RARB: variants seen among roughly 807,000 people sequenced by gnomAD.
RARB encodes the protein retinoic acid receptor beta, also known as HBV-activated protein.
RARB carries 17 observed loss-of-function variants against 51.9 expected under a neutral mutation model. That is an observed-to-expected ratio of 0.33 (90% CI 0.22 to 0.49). RARB has a LOEUF of 0.49. Among genes scored for constraint, RARB ranks in the 20% least tolerant of loss-of-function variants. The pLI is 0.99. For synonymous variants in RARB, 215 were observed against 195.4 expected (o/e 1.10, Z -0.84); for missense variants, 369 against 550.8 (o/e 0.67, Z 3.30).
intron 2 of RARB, among the ~76,000 whole-genome samples, chr3:25,036,822 G>C (rs1248699731): frequency 1.3e-5 from 2 of 152,156 alleles, no homozygotes; most frequent in African/African-American, 2.4e-5. Context: ...GGGGAGGGGG[G>C]ATCTGGCCAG....
At chr3:25,307,377 A>G (rs1269286996) in intron 5 of RARB, among the ~76,000 whole-genome samples, 5 of 148,704 alleles carry the variant, frequency 3.4e-5, no homozygotes, top group Non-Finnish European at 7.4e-5. Flanking sequence ...ACAGAACGAA[A>G]CTCTGTCTCA....
At chr3:25,010,286 G>A (rs1205472244) in intron 2 of RARB, among the ~76,000 whole-genome samples, 1 of 151,868 alleles carries the variant, frequency 6.6e-6, no homozygotes, top group African/African-American at 2.4e-5. Context: ...TCCGTTCTCT[G>A]TAATGTTTAA....
intron 5 of RARB, among the ~76,000 whole-genome samples, chr3:25,222,600 G>A (rs2125385431): frequency 6.6e-6 from 1 of 152,212 alleles, no homozygotes; most frequent in East Asian, 1.9e-4. Flanking sequence ...TGGTATAATT[G>A]AGTATTATAT....
chr3:25,315,381 C>T lies in RARB; in HGVS notation c.178+140806C>T, dbSNP rs200267380. 1.1e-4 allele frequency among the ~76,000 whole-genome samples: 17 copies of T among 152,166 alleles called. No homozygotes were observed. In the East Asian group the frequency reaches 3.1e-3, roughly 28 times the overall value. Reference sequence around the variant, plus strand: ...TTTAAATTAAAATACTATACTTTTTCGAATTGTAGACATACGACCATGTAC... The same window carrying T: ...TTTAAATTAAAATACTATACTTTTTTGAATTGTAGACATACGACCATGTAC... On this transcript the variant is annotated intron_variant, in intron 5 of 11. Transcript: ENST00000383772.
At chr3:24,983,786 G>A (rs560904516) in intron 2 of RARB, among the ~76,000 whole-genome samples, 2 of 152,172 alleles carry the variant, frequency 1.3e-5, no homozygotes, top group African/African-American at 4.8e-5. Context: ...ATAATATGTG[G>A]AAGGGGGCGA....
intron 4 of RARB, among the ~76,000 whole-genome samples, chr3:25,164,625 G>A (rs549914381): frequency 2.4e-4 from 36 of 152,142 alleles, no homozygotes; most frequent in African/African-American, 8.7e-4. Flanking sequence ...CAAATTATAG[G>A]TATGTTGTAA....
intron 2 of RARB, among the ~76,000 whole-genome samples, chr3:25,015,740 G>T (rs1214204606): frequency 6.6e-6 from 1 of 152,162 alleles, no homozygotes; most frequent in Non-Finnish European, 1.5e-5. Context: ...CAGACAGGAA[G>T]TAGATTTAGT....
chr3:25,020,636 T>C (rs1215668476), intron 2 of RARB, among the ~76,000 whole-genome samples: 2 of 152,118 alleles, frequency 1.3e-5, no homozygotes, highest in Admixed American at 1.3e-4. Flanking sequence ...AAATGTAATA[T>C]GGTGTTTGAT....
intron 2 of RARB, among the ~76,000 whole-genome samples, chr3:25,481,454 A>G (rs563771594): frequency 6.6e-6 from 1 of 152,352 alleles, no homozygotes; most frequent in Non-Finnish European, 1.5e-5. Context: ...ATATTTTTAA[A>G]GCTAGCCCAG....
intron 2 of RARB, among the ~76,000 whole-genome samples, chr3:25,470,626 G>T (rs570061714): frequency 6.6e-6 from 1 of 152,288 alleles, no homozygotes; most frequent in African/African-American, 2.4e-5. Context: ...TATCCATTCT[G>T]TTAACATTTA....
chr3:24,908,242 G>A (rs1185692204), intron 2 of RARB, among the ~76,000 whole-genome samples: 1 of 152,122 alleles, frequency 6.6e-6, no homozygotes, highest in East Asian at 1.9e-4. Flanking sequence ...ATTGATTTAA[G>A]GCGTTCGCTT....
At chr3:25,299,634 T>C (rs1202091593) in intron 5 of RARB, among the ~76,000 whole-genome samples, 1 of 152,228 alleles carries the variant, frequency 6.6e-6, no homozygotes, top group Admixed American at 6.5e-5. Flanking sequence ...CGGTTATTTT[T>C]AAAAGTTTTT....
chr3:25,306,527 AAAG>A (rs995751274), intron 5 of RARB, among the ~76,000 whole-genome samples: 8 of 152,132 alleles, frequency 5.3e-5, no homozygotes, highest in African/African-American at 1.4e-4. Context: ...CTTAGAAGAA[AAAG>A]AAGAAGAAAG....
At chr3:24,996,977 G>C (rs956457772) in intron 2 of RARB, among the ~76,000 whole-genome samples, 1 of 152,200 alleles carries the variant, frequency 6.6e-6, no homozygotes, top group East Asian at 1.9e-4. Context: ...GGTCCATTTG[G>C]TCTATAATAT....
At chr3:24,885,301 G>A (rs145274228) in intron 2 of RARB, among the ~76,000 whole-genome samples, 3 of 152,102 alleles carry the variant, frequency 2.0e-5, no homozygotes, top group Non-Finnish European at 4.4e-5. Context: ...ATGCCTTTGG[G>A]AATTTGGTAA....
At chr3:25,384,987 A>C (rs1167083898) in intron 5 of RARB, among the ~76,000 whole-genome samples, 2 of 152,292 alleles carry the variant, frequency 1.3e-5, no homozygotes, top group East Asian at 3.9e-4. Context: ...CTGTTTTGTC[A>C]TAAATGCATC....
intron 2 of RARB, among the ~76,000 whole-genome samples, chr3:24,874,447 T>G (rs976968965): frequency 5.9e-5 from 9 of 152,078 alleles, no homozygotes; most frequent in African/African-American, 1.7e-4. Flanking sequence ...TATAGTTGCA[T>G]TATAATGCCC....
intron 5 of RARB, among the ~76,000 whole-genome samples, chr3:25,271,153 A>G (rs921772284): frequency 7.2e-5 from 11 of 152,208 alleles, no homozygotes; most frequent in African/African-American, 2.7e-4. Context: ...ACACCAACCA[A>G]TTACGATGGA....
intron 2 of RARB, among the ~76,000 whole-genome samples, chr3:24,963,702 C>G (rs1048305008): frequency 6.6e-6 from 1 of 151,754 alleles, no homozygotes; most frequent in Non-Finnish European, 1.5e-5. Context: ...CAGTGTGGGC[C>G]GAGCATCTCT....
Sources: allele counts gnomAD v4.1 joint callset (sites outside exome capture counted in the v4.1 genomes callset), GRCh38; gene constraint gnomAD v4.1.1; transcripts MANE v1.5; gene names NCBI Gene and HGNC (gene_info 2026-07-23, HGNC 2026-07-21).